Variants in ADAM10 observed in about 807,000 individuals in gnomAD.
The protein encoded by ADAM10 is ADAM metallopeptidase domain 10, also known as disintegrin and metalloproteinase domain-containing protein 10.
ADAM10 carries 17 observed loss-of-function variants against 90.1 expected under a neutral mutation model. The ratio of observed to expected loss-of-function variants is 0.19; its 90% confidence interval spans 0.13 to 0.28. The LOEUF is 0.28. Ranked by LOEUF, ADAM10 falls within the 10% of genes least tolerant of loss-of-function variation. The probability of loss-of-function intolerance (pLI) is 1.00; values close to 1 mark genes in which losing one functional copy is unlikely to be tolerated. For synonymous variants in ADAM10, 310 were observed against 298.6 expected (o/e 1.04, Z -0.40); for missense variants, 610 against 914.3 (o/e 0.67, Z 4.29).
chr15:58,719,041 T>C (rs1396409982), intron 1 of ADAM10, among the ~76,000 whole-genome samples: 2 of 152,162 alleles, frequency 1.3e-5, no homozygotes, highest in Non-Finnish European at 2.9e-5. Flanking sequence ...AACCATTGTT[T>C]CGCTGGGCGT....
intron 5 of ADAM10, among the ~76,000 whole-genome samples, chr15:58,658,698 T>C (rs1213421467): frequency 6.6e-6 from 1 of 152,220 alleles, no homozygotes; most frequent in African/African-American, 2.4e-5. Flanking sequence ...CATGTACACA[T>C]CTTGCACATA....
At chr15:58,728,561 G>A (rs540627564) in intron 1 of ADAM10, among the ~76,000 whole-genome samples, 48 of 151,696 alleles carry the variant, frequency 3.2e-4, no homozygotes, top group Admixed American at 2.0e-3. Context: ...GCAACATAGC[G>A]AGATTCCATC....
chr15:58,726,567 CAAAAAAAAAAAA>C (rs71116593), intron 1 of ADAM10, among the ~76,000 whole-genome samples: 5 of 20,780 alleles, frequency 2.4e-4, no homozygotes, highest in African/African-American at 4.5e-4. Flanking sequence ...CTCAGTCTCC[CAAAAAAAAAAAA>C]AAAAAAAAAA....
At chr15:58,729,824 T>C (rs1595663333) in intron 1 of ADAM10, among the ~76,000 whole-genome samples, 1 of 150,760 alleles carries the variant, frequency 6.6e-6, no homozygotes. Flanking sequence ...TAGCCAGGAG[T>C]GGTGGCACAC....
intron 2 of ADAM10, among the ~76,000 whole-genome samples, chr15:58,704,900 T>A (rs531837569): frequency 1.3e-5 from 2 of 152,278 alleles, no homozygotes; most frequent in South Asian, 4.1e-4. Context: ...TTCTACTGTA[T>A]CAAGAATGCC....
intron 1 of ADAM10, among the ~76,000 whole-genome samples, chr15:58,746,008 A>T (rs1227036605): frequency 1.3e-5 from 2 of 152,232 alleles, no homozygotes; most frequent in Non-Finnish European, 2.9e-5. Flanking sequence ...TCTCTAAGGT[A>T]GTTTAGTCCA....
chr15:58,603,947 C>T (rs1460139569), intron 14 of ADAM10, among the ~76,000 whole-genome samples: 2 of 139,728 alleles, frequency 1.4e-5, no homozygotes, highest in African/African-American at 5.3e-5. Flanking sequence ...AAAGAATAAT[C>T]AAACTTTTCA....
intron 13 of ADAM10, 141 bp from the exon 14 acceptor site, chr15:58,610,658 G>A: frequency 1.2e-6 from 1 of 835,190 alleles, no homozygotes; most frequent in South Asian, 1.5e-5. Context: ...TCTCTAGTTA[G>A]GCTGGGTAAC....
intron 9 of ADAM10, among the ~76,000 whole-genome samples, chr15:58,632,941 T>C (rs1339234300): frequency 6.6e-6 from 1 of 152,200 alleles, no homozygotes; most frequent in African/African-American, 2.4e-5. Context: ...GAGATATAGA[T>C]ATTTTGTCTG....
chr15:58,733,242 G>C (rs1367525589), intron 1 of ADAM10: 1 of 152,210 alleles, frequency 6.6e-6, no homozygotes, highest in African/African-American at 2.4e-5. Context: ...GCCAGAAGTT[G>C]AACTGCTCCA....
intron 1 of ADAM10, among the ~76,000 whole-genome samples, chr15:58,723,649 G>A (rs529695915): frequency 1.3e-5 from 2 of 152,266 alleles, no homozygotes; most frequent in Admixed American, 6.5e-5. Context: ...AGGTTGCAGT[G>A]AGCCAAGGTC....
intron 1 of ADAM10, among the ~76,000 whole-genome samples, chr15:58,720,931 G>C (rs771558454): frequency 6.6e-6 from 1 of 152,182 alleles, no homozygotes; most frequent in African/African-American, 2.4e-5. Flanking sequence ...CACAAGCTTG[G>C]CTTTGCAGAA....
chr15:58,621,262 CAAAAAA>C (rs749439192), intron 11 of ADAM10, among the ~76,000 whole-genome samples: 9 of 25,276 alleles, frequency 3.6e-4, no homozygotes, highest in African/African-American at 6.3e-4. Context: ...GACCCTGTCT[CAAAAAA>C]AAAAAAAAAA....
chr15:58,597,667 C>A (rs201230898), intron 15 of ADAM10, 26 bp from the exon 16 acceptor site: 1 of 1,612,522 alleles, frequency 6.2e-7, no homozygotes, highest in Non-Finnish European at 8.5e-7. Context: ...AAAAGCAAAG[C>A]AGATTTATTT....
At chr15:58,685,227 C>T (rs1002895578) in intron 2 of ADAM10, among the ~76,000 whole-genome samples, 1 of 148,898 alleles carries the variant, frequency 6.7e-6, no homozygotes, top group South Asian at 2.1e-4. Flanking sequence ...TTGGGGAGGC[C>T]GACGCAGGCA....
At chr15:58,695,971 C>T (rs943615052) in intron 2 of ADAM10, among the ~76,000 whole-genome samples, 1 of 151,812 alleles carries the variant, frequency 6.6e-6, no homozygotes, top group African/African-American at 2.4e-5. Context: ...ACAAAATGAG[C>T]CGGTTGTGAT....
chr15:58,672,298 T>C (rs1287367249), intron 4 of ADAM10: 1 of 153,960 alleles, frequency 6.5e-6, no homozygotes, highest in African/African-American at 2.4e-5. Flanking sequence ...ATAACTAAAC[T>C]TGGTAAAAGA....
chr15:58,643,180 G>T (rs1414645442), intron 7 of ADAM10, among the ~76,000 whole-genome samples: 2 of 151,930 alleles, frequency 1.3e-5, no homozygotes, highest in Non-Finnish European at 2.9e-5. Flanking sequence ...AAATTTGTCA[G>T]TAATTTAATA....
intron 4 of ADAM10, among the ~76,000 whole-genome samples, chr15:58,677,169 T>C (rs546961081): frequency 3.9e-5 from 6 of 152,292 alleles, no homozygotes; most frequent in Admixed American, 6.5e-5. Context: ...CGTACTCCCA[T>C]CCTCATATCC....
Sources: gnomAD v4.1 joint callset for allele counts (sites outside exome capture counted in the v4.1 genomes callset) on GRCh38, gnomAD v4.1.1 for gene constraint, MANE v1.5 for transcripts, NCBI Gene and HGNC (gene_info 2026-07-23, HGNC 2026-07-21) for gene names.